Variants in PAICS observed in about 807,000 individuals in gnomAD.
The protein encoded by PAICS is phosphoribosylaminoimidazole carboxylase and phosphoribosylaminoimidazolesuccinocarboxamide synthase, also known as bifunctional phosphoribosylaminoimidazole carboxylase/phosphoribosylaminoimidazole succinocarboxamide synthetase.
In PAICS, 33 loss-of-function variants were observed where a neutral mutation model predicts 53.7. The ratio of observed to expected loss-of-function variants is 0.61; its 90% confidence interval spans 0.47 to 0.82. The LOEUF is 0.82. Among genes scored for constraint, PAICS ranks in the 40% least tolerant of loss-of-function variants. The pLI is 0.00. For missense variants in PAICS, 394 were observed against 494.1 expected (o/e 0.80, Z 1.92); for synonymous variants, 141 against 167.2 (o/e 0.84, Z 1.21).
intron 1 of PAICS, among the ~76,000 whole-genome samples, chr4:56,440,223 GT>G (rs1718267657): frequency 6.6e-6 from 1 of 152,208 alleles, no homozygotes; most frequent in African/African-American, 2.4e-5. Flanking sequence ...AATTAAAGAT[GT>G]TGGAGTTCTA....
At chr4:56,431,320 T>TG (rs1164194851), upstream of PAICS, 3 of 354,234 alleles carry the variant, frequency 8.5e-6, no homozygotes, top group East Asian at 5.0e-4. Context: ...CAAAACTAAA[T>TG]GAAGATTAAC....
rs757724148 is a variant in PAICS, at chr4:56,448,480, T to C, written c.456T>C (p.Phe152=). ...AGCTGATTGCTGCAAAATTTTGCTT[T>C]GCTGGACTTCTTATAGGCCAGACTG... ...EEQLIAAKFC[F]AGLLIGQTEV... is the part of the protein sequence containing the mutation. Residue 152 remains phenylalanine, a synonymous_variant, in exon 4 of 9, where the codon TTT becomes TTC. Coordinates refer to ENST00000512576, the MANE Select transcript of PAICS (RefSeq NM_001079524.2). The C allele has an allele frequency of 8.1e-6, 13 of 1,612,820 alleles. No homozygotes were observed. Among genetic ancestry groups the C allele is most frequent in the African/African-American group, 1.3e-5 (1 of 75,040 alleles).
intron 1 of PAICS, 103 bp downstream of exon 1, chr4:56,436,431 A>AGCGCCTCTAGGCAGCC (rs1183036724): frequency 3.0e-6 from 3 of 1,002,798 alleles, no homozygotes; most frequent in Admixed American, 2.0e-5. Flanking sequence ...TCCCTGCAGC[A>AGCGCCTCTAGGCAGCC]GCGCCTCTAG....
chr4:56,432,434 G>A (rs557760845), upstream of PAICS, among the ~76,000 whole-genome samples: 15 of 147,882 alleles, frequency 1.0e-4, no homozygotes, highest in Non-Finnish European at 1.9e-4. Flanking sequence ...AGACAGGTAC[G>A]AGAATCACTT....
intron 1 of PAICS, among the ~76,000 whole-genome samples, chr4:56,440,365 C>T (rs1157333416): frequency 6.6e-6 from 1 of 152,162 alleles, no homozygotes; most frequent in African/African-American, 2.4e-5. Context: ...AATTAGGTGC[C>T]CTACAGTGGC....
chr4:56,429,950 A>AT, the PAICS span, among the ~76,000 whole-genome samples: 274 of 152,254 alleles, frequency 1.8e-3, 1 homozygote, highest in African/African-American at 6.5e-3. Context: ...TTACTGTAGA[A>AT]TAGTCCATTG....
intron 8 of PAICS, among the ~76,000 whole-genome samples, chr4:56,454,120 A>G (rs1252627051): frequency 6.6e-6 from 1 of 152,206 alleles, no homozygotes; most frequent in African/African-American, 2.4e-5. Context: ...ACAAGGAGAC[A>G]TGAGTCCAGC....
At chr4:56,417,322 C>CA in the PAICS span, among the ~76,000 whole-genome samples, 4,283 of 151,534 alleles carry the variant, frequency 0.028, 90 homozygotes, top group Non-Finnish European at 0.042. Context: ...CATTTCAAAG[C>CA]AAAGACATTA....
At chr4:56,411,921 CT>C in the PAICS span, among the ~76,000 whole-genome samples, 1 of 152,308 alleles carries the variant, frequency 6.6e-6, no homozygotes, top group East Asian at 1.9e-4. Context: ...AGAATCCACC[CT>C]GCCTACATTC....
upstream of PAICS, among the ~76,000 whole-genome samples, chr4:56,432,985 C>T (rs1487325432): frequency 6.8e-6 from 1 of 146,812 alleles, no homozygotes; most frequent in Non-Finnish European, 1.5e-5. Flanking sequence ...TATATACATA[C>T]ACACACGTAT....
At chr4:56,451,424 G>A (rs540382333) in intron 6 of PAICS, among the ~76,000 whole-genome samples, 1 of 151,940 alleles carries the variant, frequency 6.6e-6, no homozygotes, top group Admixed American at 6.6e-5. Flanking sequence ...ATTATGCAAG[G>A]GTCATAATCA....
chr4:56,451,780 A>C, intron 6 of PAICS, 92 bp from the exon 7 acceptor site: 16 of 667,676 alleles, frequency 2.4e-5, no homozygotes, highest in Non-Finnish European at 3.1e-5. Context: ...GAAAGAAAAT[A>C]TTGGGCCCAG....
the PAICS span, among the ~76,000 whole-genome samples, chr4:56,424,793 C>T: frequency 1.3e-5 from 2 of 152,160 alleles, no homozygotes; most frequent in African/African-American, 2.4e-5. Flanking sequence ...GACTTAATTC[C>T]GCTCCAATAT....
At chr4:56,422,210 G>A in the PAICS span, 1 of 152,164 alleles carries the variant, frequency 6.6e-6, no homozygotes, top group Admixed American at 6.5e-5. Flanking sequence ...GGAGGCAGAG[G>A]TTGCAGTAAG....
intron 1 of PAICS, among the ~76,000 whole-genome samples, chr4:56,437,651 G>A (rs1042305690): frequency 6.6e-6 from 1 of 151,410 alleles, no homozygotes; most frequent in Non-Finnish European, 1.5e-5. Context: ...TGAAACCCCG[G>A]CTCTACTAAA....
At chr4:56,448,879 G>T in intron 5 of PAICS, 56 bp downstream of exon 5, 1 of 931,214 alleles carries the variant, frequency 1.1e-6, no homozygotes, top group South Asian at 1.4e-5. Flanking sequence ...AGATAGAGGA[G>T]AAAGGAGAGA....
At chr4:56,438,369 GTTTATATATATATATATATA>G (rs1022471917) in intron 1 of PAICS, among the ~76,000 whole-genome samples, 4 of 44,624 alleles carry the variant, frequency 9.0e-5, no homozygotes, top group African/African-American at 2.7e-4. Flanking sequence ...GGTGCAATGT[GTTTATATATATATATATATA>G]TATATATATA....
rs752273829 is a variant in PAICS, at chr4:56,446,809, A to G, written c.329A>G (p.Lys110Arg). 5.0e-6 allele frequency: 8 copies of G among 1,610,500 alleles called. No individual in the cohort carries two copies. The African/African-American group carries it at 8.0e-5, about 16-fold the overall frequency. Reference protein sequence around the residue: ...CRRIATGSFLKRNPGVKEGYK... With the variant: ...CRRIATGSFLRRNPGVKEGYK... ...AGAATAGCAACTGGTTCTTTTCTCAAAAGAAATCCTGGTGTCAAGGAAGGA... is the reference window on the plus strand; with the variant it reads ...AGAATAGCAACTGGTTCTTTTCTCAGAAGAAATCCTGGTGTCAAGGAAGGA... Residue 110 changes from lysine (K) to arginine (R), a missense_variant, in exon 3 of 9, where the codon AAA becomes AGA. Physicochemically the swap from Lys to Arg is conservative, Grantham distance 26 (BLOSUM62 2). Coordinates refer to ENST00000512576, the MANE Select transcript of PAICS (RefSeq NM_001079524.2).
chr4:56,439,691 A>G (rs1474179), intron 1 of PAICS, among the ~76,000 whole-genome samples: 24,254 of 151,520 alleles, frequency 0.16, 2,306 homozygotes, highest in Admixed American at 0.32. Context: ...GTCTCACTCT[A>G]TCACCCAGGC....
Sources: allele counts gnomAD v4.1 joint callset (sites outside exome capture counted in the v4.1 genomes callset), GRCh38; gene constraint gnomAD v4.1.1; transcripts MANE v1.5; gene names NCBI Gene and HGNC (gene_info 2026-07-23, HGNC 2026-07-21).